Variants in PLA2R1 observed in about 807,000 individuals in gnomAD.
The protein encoded by PLA2R1 is phospholipase A2 receptor 1, also known as secretory phospholipase A2 receptor.
A neutral mutation model predicts 195.9 loss-of-function variants in PLA2R1; 158 were observed. The observed-to-expected ratio is 0.81, with a 90% confidence interval of 0.71 to 0.92. The LOEUF is 0.92. PLA2R1 is among the 40% of genes least tolerant of loss of function. The pLI is 0.00. For missense variants in PLA2R1, 1,626 were observed against 1,764.6 expected (o/e 0.92, Z 1.41); for synonymous variants, 586 against 598.2 (o/e 0.98, Z 0.30).
intron 10 of PLA2R1, among the ~76,000 whole-genome samples, chr2:160,009,018 A>G (rs1692176817): frequency 1.3e-5 from 2 of 152,238 alleles, no homozygotes; most frequent in Admixed American, 6.5e-5. Flanking sequence ...CACACCCAAT[A>G]GGATGGCTAT....
chr2:160,008,514 GACCCTT>G (rs926594301), intron 10 of PLA2R1, among the ~76,000 whole-genome samples: 13 of 152,166 alleles, frequency 8.5e-5, no homozygotes, highest in Non-Finnish European at 1.9e-4. Flanking sequence ...AATGAAGTTA[GACCCTT>G]ACCTTATACT....
chr2:160,013,042 A>C (rs1201743535), intron 10 of PLA2R1, among the ~76,000 whole-genome samples: 1 of 152,252 alleles, frequency 6.6e-6, no homozygotes, highest in Non-Finnish European at 1.5e-5. Context: ...CTTTACAGAT[A>C]GTAAAGGTCA....
chr2:160,005,960 C>CTAA lies in PLA2R1; in HGVS notation c.1665-140_1665-139insTTA. ...CTTTAGAACATGGAACAGGAAAACACCCAAAGACCCTGAACATTACTAATA... is the reference window on the plus strand; with the variant it reads ...CTTTAGAACATGGAACAGGAAAACACTAACCAAAGACCCTGAACATTACTAATA... On this transcript the variant is annotated intron_variant, in intron 10 of 29. Coordinates refer to ENST00000283243, the MANE Select transcript of PLA2R1 (RefSeq NM_007366.5). 4 of 657,782 alleles carry CTAA rather than the reference C, an allele frequency of 6.1e-6. No homozygotes were observed. In the South Asian group the frequency reaches 7.3e-5, roughly 12 times the overall value. 40.7% of individuals were successfully genotyped at this position (657,782 alleles called of 1,614,324 possible). A position where few individuals can be genotyped will look rare whatever the true frequency, so the allele number is the denominator to read the frequency against.
chr2:159,949,367 G>A (rs1201449781), intron 25 of PLA2R1, among the ~76,000 whole-genome samples: 2 of 152,054 alleles, frequency 1.3e-5, no homozygotes, highest in African/African-American at 2.4e-5. Flanking sequence ...CCTTCAAGAA[G>A]CCTTTCTACC....
At chr2:160,061,109 A>G (rs921008735) in intron 1 of PLA2R1, among the ~76,000 whole-genome samples, 1 of 152,252 alleles carries the variant, frequency 6.6e-6, no homozygotes, top group African/African-American at 2.4e-5. Context: ...ATGTGAACGC[A>G]GATATTGATC....
rs769029504 is a variant in PLA2R1 at position 160,022,865 on chromosome 2, T to G, written c.1100-6A>C. The G allele has an allele frequency of 5.8e-6, 9 of 1,564,656 alleles. No individual in the cohort carries two copies. In the South Asian group the frequency reaches 1.1e-4, roughly 18 times the overall value. ...ATATTTCCACGCATCTTTTTCTTTT[T>G]AAACCAACAAAAAACAATGTCATTT... On this transcript the variant is annotated splice_region_variant and splice_polypyrimidine_tract_variant and intron_variant, in intron 6 of 29. Transcript: ENST00000283243.
chr2:159,955,227 G>A lies in PLA2R1; in HGVS notation c.3273C>T (p.Gly1091=). 1 of 1,609,734 alleles carries A rather than the reference G, an allele frequency of 6.2e-7. No homozygotes were observed. The highest frequency in any genetic ancestry group is 8.5e-7 in the Non-Finnish European group (1 of 1,177,964). The part of the protein sequence containing the change: ...KWYFEDCGKE[G]YGFVCEKMQD... ...GCATTTTTTCACAAACAAACCCATA[G>A]CCTTCCTTTCCACAGTCTTCAAAAT... The change falls in exon 23 of 30, where the codon GGC becomes GGT. Residue 1091 remains glycine, a synonymous_variant. Coordinates refer to ENST00000283243, the MANE Select transcript of PLA2R1 (RefSeq NM_007366.5).
intron 25 of PLA2R1, among the ~76,000 whole-genome samples, chr2:159,948,493 C>T (rs962277410): frequency 5.3e-5 from 8 of 151,756 alleles, no homozygotes; most frequent in Middle Eastern, 3.4e-3. Context: ...CTTCTGCCTC[C>T]CAAAGTGCTG....
At chr2:160,045,298 C>T in intron 1 of PLA2R1, 141 bp from the exon 2 acceptor site, 1 of 648,366 alleles carries the variant, frequency 1.5e-6, no homozygotes, top group Non-Finnish European at 2.6e-6. Context: ...TGGGCAGGGT[C>T]CACCTGAAGG....
intron 12 of PLA2R1, 138 bp downstream of exon 12, chr2:159,987,018 T>C: frequency 1.6e-6 from 1 of 633,424 alleles, no homozygotes; most frequent in South Asian, 2.0e-5. Context: ...AGGCAACAAA[T>C]GTTGATTAAG....
intron 6 of PLA2R1, among the ~76,000 whole-genome samples, chr2:160,025,393 G>C (rs1003854871): frequency 6.6e-6 from 1 of 151,638 alleles, no homozygotes; most frequent in Non-Finnish European, 1.5e-5. Context: ...AACCAAGATG[G>C]TAAAACATAA....
At chr2:159,979,329 G>T (rs375871333) in intron 14 of PLA2R1, among the ~76,000 whole-genome samples, 1 of 152,094 alleles carries the variant, frequency 6.6e-6, no homozygotes, top group East Asian at 1.9e-4. Context: ...TGAAAACCAA[G>T]ACTTTTTTTT....
At chr2:160,016,141 G>A (rs896373263) in intron 9 of PLA2R1, among the ~76,000 whole-genome samples, 1 of 151,976 alleles carries the variant, frequency 6.6e-6, no homozygotes, top group African/African-American at 2.4e-5. Context: ...GCGCACGCCT[G>A]TAATCCCAGC....
chr2:159,970,010 T>C (rs1689050173), intron 18 of PLA2R1, 138 bp downstream of exon 18: 1 of 578,238 alleles, frequency 1.7e-6, no homozygotes, highest in African/African-American at 1.9e-5. Context: ...AACACTCATG[T>C]CTTTGGTTAG....
intron 10 of PLA2R1, among the ~76,000 whole-genome samples, chr2:160,011,908 G>A (rs941085664): frequency 6.6e-6 from 1 of 152,096 alleles, no homozygotes; most frequent in African/African-American, 2.4e-5. Context: ...GTTTCACCAG[G>A]TGACTTAGTC....
chr2:159,978,249 G>A (rs886500304), intron 14 of PLA2R1, among the ~76,000 whole-genome samples: 3 of 151,978 alleles, frequency 2.0e-5, no homozygotes, highest in Non-Finnish European at 2.9e-5. Context: ...TTCACATTAC[G>A]GGGGTATTAA....
intron 3 of PLA2R1, among the ~76,000 whole-genome samples, chr2:160,039,485 TA>T (rs1694388635): frequency 6.6e-6 from 1 of 152,182 alleles, no homozygotes; most frequent in African/African-American, 2.4e-5. Context: ...ACTTTTTTTT[TA>T]AATGTAGCAT....
At chr2:160,046,014 G>C (rs1344537130) in intron 1 of PLA2R1, among the ~76,000 whole-genome samples, 1 of 152,244 alleles carries the variant, frequency 6.6e-6, no homozygotes, top group Non-Finnish European at 1.5e-5. Context: ...CCCAGCTGGG[G>C]AATACATGTT....
chr2:160,003,282 A>G (rs1209884940), intron 11 of PLA2R1, among the ~76,000 whole-genome samples: 1 of 152,044 alleles, frequency 6.6e-6, no homozygotes, highest in Non-Finnish European at 1.5e-5. Context: ...CAAAGCCTTT[A>G]GAAAATATAA....
Sources: allele counts gnomAD v4.1 joint callset (sites outside exome capture counted in the v4.1 genomes callset), GRCh38; gene constraint gnomAD v4.1.1; transcripts MANE v1.5; gene names NCBI Gene and HGNC (gene_info 2026-07-23, HGNC 2026-07-21).